The following TRPV4 variants were observed in gnomAD, a reference collection of about 807,000 sequenced individuals.
TRPV4 encodes OSM9-like transient receptor potential channel 4.
Under a neutral mutation model 84.1 loss-of-function variants are expected in TRPV4, and 58 were observed. The observed-to-expected ratio is 0.69, with a 90% confidence interval of 0.56 to 0.86. The LOEUF (loss-of-function observed/expected upper bound fraction) is 0.86, where lower values mean the gene tolerates loss of function less well. Among genes scored for constraint, TRPV4 ranks in the 40% least tolerant of loss-of-function variants. The pLI, the probability that TRPV4 is intolerant of heterozygous loss-of-function variation, is 0.00. For missense variants in TRPV4, 879 were observed against 1,181.1 expected (o/e 0.74, Z 3.75); for synonymous variants, 489 against 500.9 (o/e 0.98, Z 0.32).
intron 4 of TRPV4, among the ~76,000 whole-genome samples, chr12:109,801,990 C>T (rs1890815213): frequency 6.6e-6 from 1 of 152,114 alleles, no homozygotes; most frequent in African/African-American, 2.4e-5. Context: ...GTTCTTGGCC[C>T]CCTGCTGCCT....
At position 109,800,762 on chromosome 12, in the gene TRPV4, G is replaced by C; in HGVS notation, c.713-4C>G. On this transcript the variant is annotated splice_region_variant and splice_polypyrimidine_tract_variant and intron_variant, in intron 4 of 15. Transcript: ENST00000261740. ...GCGATGTGCAGGGCTGTCTGACCTGGGGGCAGGGGACGGTCATCCAGGGTC... is the reference window on the plus strand; with the variant it reads ...GCGATGTGCAGGGCTGTCTGACCTGCGGGCAGGGGACGGTCATCCAGGGTC... The C allele has an allele frequency of 6.2e-7, 1 of 1,613,392 alleles. No individual in the cohort carries two copies. The highest frequency in any genetic ancestry group is 2.2e-5 in the East Asian group (1 of 44,856).
At chr12:109,806,084 G>A (rs1311507630) in intron 3 of TRPV4, among the ~76,000 whole-genome samples, 2 of 152,256 alleles carry the variant, frequency 1.3e-5, no homozygotes, top group Non-Finnish European at 2.9e-5. Flanking sequence ...AGCTACTCCA[G>A]GAGCAGAGAG....
intron 12 of TRPV4, among the ~76,000 whole-genome samples, chr12:109,791,133 A>T (rs1890001340): frequency 6.6e-6 from 1 of 151,908 alleles, no homozygotes; most frequent in Admixed American, 6.5e-5. Context: ...CTGTAATCCC[A>T]GCACTTTGGG....
chr12:109,808,188 C>T, intron 3 of TRPV4, 108 bp downstream of exon 3: 4 of 1,295,530 alleles, frequency 3.1e-6, no homozygotes, highest in South Asian at 1.3e-5. Context: ...CAGGCCAATG[C>T]AGTCCACCGA....
intron 1 of TRPV4, among the ~76,000 whole-genome samples, chr12:109,818,570 G>A (rs1185596265): frequency 6.6e-6 from 1 of 152,018 alleles, no homozygotes; most frequent in Non-Finnish European, 1.5e-5. Context: ...AGGAAGGGAT[G>A]ATTACTGCCG....
At chr12:109,795,402 C>A (rs1890324393) in intron 7 of TRPV4, among the ~76,000 whole-genome samples, 1 of 152,196 alleles carries the variant, frequency 6.6e-6, no homozygotes, top group Non-Finnish European at 1.5e-5. Flanking sequence ...TGCAAGGAAG[C>A]CAAGCTCACA....
chr12:109,805,806 C>T (rs1210190165), intron 3 of TRPV4, among the ~76,000 whole-genome samples: 1 of 152,158 alleles, frequency 6.6e-6, no homozygotes, highest in Non-Finnish European at 1.5e-5. Context: ...TTAGAGTCCC[C>T]CACCCACACT....
intron 1 of TRPV4, among the ~76,000 whole-genome samples, chr12:109,831,118 C>T (rs1452153541): frequency 1.5e-5 from 2 of 135,248 alleles, no homozygotes; most frequent in East Asian, 4.0e-4. Flanking sequence ...TGTCTGATCC[C>T]TCACCCTTTC....
Position 109,821,572 on chromosome 12 carries a change from C to T in TRPV4, c.-31-6745G>A, listed in dbSNP as rs149204551. 9.1e-3 allele frequency among the ~76,000 whole-genome samples: 1,381 copies of T among 152,166 alleles called. 27 individuals carry two copies. Among genetic ancestry groups the T allele is most frequent in the African/African-American group, 0.031 (1,302 of 41,500 alleles). ...TTCAAGAGAGTCTCGCTCTGTCCCC[C>T]AGGTTGGAGTGCAGTGGCATGATCT... On this transcript the variant is annotated intron_variant, in intron 1 of 15. Coordinates refer to ENST00000261740, the MANE Select transcript of TRPV4 (RefSeq NM_021625.5).
At chr12:109,819,590 C>A (rs766104890) in intron 1 of TRPV4, among the ~76,000 whole-genome samples, 1 of 152,228 alleles carries the variant, frequency 6.6e-6, no homozygotes, top group Non-Finnish European at 1.5e-5. Context: ...GAGACAGGGT[C>A]TCACTCTCTC....
At chr12:109,812,191 C>T (rs1891560990) in intron 2 of TRPV4, among the ~76,000 whole-genome samples, 1 of 152,150 alleles carries the variant, frequency 6.6e-6, no homozygotes, top group Non-Finnish European at 1.5e-5. Flanking sequence ...CATGCAGATG[C>T]CAGCATAACA....
chr12:109,785,905 G>A (rs965789765), intron 14 of TRPV4, among the ~76,000 whole-genome samples: 1 of 151,908 alleles, frequency 6.6e-6, no homozygotes, highest in Non-Finnish European at 1.5e-5. Context: ...ATGGTGGCAT[G>A]AGGAGGCTGA....
At position 109,793,600 on chromosome 12, in the gene TRPV4, T is replaced by G; in HGVS notation, c.1585A>C (p.Ile529Leu). Residue 529 changes from isoleucine to leucine, a missense_variant and splice_region_variant, in exon 10 of 16, where the codon ATC becomes CTC. By Grantham distance (5) the Ile-to-Leu change is conservative. This residue lies in a region of TRPV4 where 521 missense variants were observed against 686.6 expected (regional missense o/e 0.76). Coordinates refer to ENST00000261740, the MANE Select transcript of TRPV4 (RefSeq NM_021625.5). This position sits in a 1 kb window ranked among gnomAD's most constrained non-coding sequence, Gnocchi z 4.0. ...FTGVLFFFTN[I>L]KDLFMKKCPG... ...CATTTCTTCATGAACAAGTCTTTGATCTGGAAGACAGGAGGGGGCACGTGA... is the reference window on the plus strand; with the variant it reads ...CATTTCTTCATGAACAAGTCTTTGAGCTGGAAGACAGGAGGGGGCACGTGA... 6.2e-7 allele frequency: 1 copy of G among 1,613,494 alleles called. No individual in the cohort carries two copies. The highest frequency in any genetic ancestry group is 8.5e-7 in the Non-Finnish European group (1 of 1,179,768).
In TRPV4 at chr12:109,814,860, C is replaced by G; in HGVS notation, c.-31-33G>C. The G allele has an allele frequency of 6.5e-7, 1 of 1,530,468 alleles. No individual in the cohort carries two copies. Among genetic ancestry groups the G allele is most frequent in the Non-Finnish European group, 8.7e-7 (1 of 1,143,866 alleles). The allele number at this position is 1,530,468 out of a possible 1,614,324, so 94.8% of individuals were successfully genotyped here. Reference sequence around the variant, plus strand: ...GGAATGAAAGGGGAGTCAGGCAGAACCCGGCCAGGGGCGGGGGCTCCAGGA... The same window carrying G: ...GGAATGAAAGGGGAGTCAGGCAGAAGCCGGCCAGGGGCGGGGGCTCCAGGA... On this transcript the variant is annotated intron_variant, in intron 1 of 15. Coordinates refer to ENST00000261740, the MANE Select transcript of TRPV4 (RefSeq NM_021625.5). This position sits in a 1 kb window ranked among gnomAD's most constrained non-coding sequence, Gnocchi z 5.4.
At chr12:109,805,992 G>C (rs1174498042) in intron 3 of TRPV4, among the ~76,000 whole-genome samples, 1 of 152,156 alleles carries the variant, frequency 6.6e-6, no homozygotes, top group Non-Finnish European at 1.5e-5. Flanking sequence ...TTTGCCTCAC[G>C]TACTTGGTGG....
At chr12:109,802,618 T>TA (rs200343065) in intron 4 of TRPV4, among the ~76,000 whole-genome samples, 5,006 of 100,900 alleles carry the variant, frequency 0.05, 313 homozygotes, top group African/African-American at 0.16. Flanking sequence ...TATTTTATTT[T>TA]TTTTTTTTTG....
At position 109,793,327 on chromosome 12, in the gene TRPV4, G is replaced by A. The variant is rs1890159453; in HGVS notation, c.1658+200C>T. Among the ~76,000 whole-genome samples, 1 of 152,190 alleles carries A rather than the reference G, an allele frequency of 6.6e-6. No homozygotes were observed. Among genetic ancestry groups the A allele is most frequent in the Non-Finnish European group, 1.5e-5 (1 of 68,036 alleles). On this transcript the variant is annotated intron_variant, in intron 10 of 15. Coordinates refer to ENST00000261740, the MANE Select transcript of TRPV4 (RefSeq NM_021625.5). This position sits in a 1 kb window ranked among gnomAD's most constrained non-coding sequence, Gnocchi z 4.0. ...AATTATTTCTATCCATGTTGTATAT[G>A]ATAACTCCCTAGCAATCAGAATTTT...
At chr12:109,787,461 C>T (rs1022928016) in intron 13 of TRPV4, among the ~76,000 whole-genome samples, 1 of 151,974 alleles carries the variant, frequency 6.6e-6, no homozygotes, top group African/African-American at 2.4e-5. Context: ...AAAAATTAGC[C>T]GGGTGAGGTG....
chr12:109,803,124 G>A lies in TRPV4; in HGVS notation c.579C>T (p.Thr193=), dbSNP rs1890915262. Residue 193 remains threonine (T), a synonymous_variant, in exon 4 of 16, where the codon ACC becomes ACT. Transcript: ENST00000261740. The part of the protein sequence containing the change: ...EEFREPSTGK[T]CLPKALLNLS... Reference sequence around the variant, plus strand: ...GGTTCAGCAAGGCCTTGGGCAGGCAGGTCTTCCCCGTAGATGGCTCTAGCA... The same window carrying A: ...GGTTCAGCAAGGCCTTGGGCAGGCAAGTCTTCCCCGTAGATGGCTCTAGCA... 1 of 1,613,972 alleles carries A rather than the reference G, an allele frequency of 6.2e-7. No individual in the cohort carries two copies. The highest frequency in any genetic ancestry group is 1.7e-5 in the Admixed American group (1 of 60,006).
Sources: gnomAD v4.1 joint callset for allele counts (sites outside exome capture counted in the v4.1 genomes callset) on GRCh38, gnomAD v4.1.1 for gene constraint, gnomAD v4.1.1 regional missense constraint, Gnocchi (gnomAD v3.1) non-coding constraint, MANE v1.5 for transcripts, NCBI Gene and HGNC (gene_info 2026-07-23, HGNC 2026-07-21) for gene names.